IL22RA1: variants seen among roughly 807,000 people sequenced by gnomAD.
IL22RA1 encodes the protein interleukin 22 receptor subunit alpha 1, also known as interleukin-22 receptor subunit alpha-1.
IL22RA1 carries 25 observed loss-of-function variants against 32.8 expected under a neutral mutation model. The ratio of observed to expected loss-of-function variants is 0.76; its 90% confidence interval spans 0.55 to 1.06. The LOEUF (loss-of-function observed/expected upper bound fraction) is 1.06. Ranked by LOEUF, IL22RA1 falls within the 50% of genes least tolerant of loss-of-function variation. The probability of loss-of-function intolerance (pLI) is 0.00; values close to 1 mark genes in which losing one functional copy is unlikely to be tolerated. For synonymous variants in IL22RA1, 305 were observed against 305.0 expected, an observed-to-expected ratio of 1.00 and a Z score of 0.00; for missense variants, 709 against 727.4, an observed-to-expected ratio of 0.97 and a Z score of 0.29.
chr1:24,137,795 G>A (rs746355349), intron 2 of IL22RA1, among the ~76,000 whole-genome samples: 7 of 152,142 alleles, frequency 4.6e-5, no homozygotes, highest in Non-Finnish European at 7.4e-5. Flanking sequence ...GAGATTATAG[G>A]TGTGAGCCAC....
rs747958356 is a variant in IL22RA1, at chr1:24,121,338, T to A, written c.1192A>T (p.Ser398Cys). ...SSYAPQATPD[S>C]WPPSYGVCME... is the part of the protein sequence containing the mutation. ...CATACCCCATAGGAGGGAGGCCAGCTGTCCGGAGTGGCTTGAGGGGCATAG... is the reference window on the plus strand; with the variant it reads ...CATACCCCATAGGAGGGAGGCCAGCAGTCCGGAGTGGCTTGAGGGGCATAG... The change falls in exon 7 of 7, where the codon AGC becomes TGC. Residue 398 changes from serine (S) to cysteine (C), a missense_variant. By Grantham distance (112) the Ser-to-Cys change is moderately radical. Coordinates refer to ENST00000270800, the MANE Select transcript of IL22RA1 (RefSeq NM_021258.4). The A allele has an allele frequency of 1.2e-6, 2 of 1,602,418 alleles. No homozygotes were observed. Among genetic ancestry groups the A allele is most frequent in the Non-Finnish European group, 1.7e-6 (2 of 1,172,442 alleles).
chr1:24,121,767 T>C (rs2148569087), intron 6 of IL22RA1, 30 bp from the exon 7 acceptor site: 1 of 1,447,472 alleles, frequency 6.9e-7, no homozygotes, highest in Non-Finnish European at 9.2e-7. Flanking sequence ...GTCACCCCCC[T>C]GTGGTTAGGG....
chr1:24,121,853 A>C, intron 6 of IL22RA1, 116 bp from the exon 7 acceptor site: 1 of 735,430 alleles, frequency 1.4e-6, no homozygotes, highest in Non-Finnish European at 2.1e-6. Flanking sequence ...CTTTTTCAAG[A>C]TGCGTCTGTC....
intron 5 of IL22RA1, among the ~76,000 whole-genome samples, chr1:24,125,946 A>G (rs1480405611): frequency 1.3e-5 from 2 of 152,216 alleles, no homozygotes; most frequent in African/African-American, 4.8e-5. Flanking sequence ...TGTGATTTAT[A>G]TAAAAGCTAT....
At chr1:24,122,151 A>G (rs1439243939) in intron 6 of IL22RA1, among the ~76,000 whole-genome samples, 1 of 152,048 alleles carries the variant, frequency 6.6e-6, no homozygotes, top group Non-Finnish European at 1.5e-5. Flanking sequence ...AGACCGGGAG[A>G]GCTTTACAGA....
Position 24,120,890 on chromosome 1 carries a change from G to C in IL22RA1, c.1640C>G (p.Ala547Gly), listed in dbSNP as rs1427308910. 3.1e-6 allele frequency: 5 copies of C among 1,614,136 alleles called. No homozygotes were observed. Among genetic ancestry groups the C allele is most frequent in the Admixed American group, 1.7e-5 (1 of 60,010 alleles). Residue 547 changes from alanine (A) to glycine (G), a missense_variant, in exon 7 of 7, where the codon GCC becomes GGC. Coordinates refer to ENST00000270800, the MANE Select transcript of IL22RA1 (RefSeq NM_021258.4). ...VCPKDEAKSP[A>G]PETSDLEQPT... Reference sequence around the variant, plus strand: ...CTGCTCCAGGTCTGAGGTCTCAGGGGCTGGGCTCTTGGCTTCATCCTTGGG... The same window carrying C: ...CTGCTCCAGGTCTGAGGTCTCAGGGCCTGGGCTCTTGGCTTCATCCTTGGG...
chr1:24,120,978 G>C lies in IL22RA1; in HGVS notation c.1552C>G (p.Arg518Gly), dbSNP rs3795299. ...PMSLPLQPPS[R>G]PCSPSDQGPS... Reference sequence around the variant, plus strand: ...CCTTGGTCCGAGGGGGAACATGGACGGGAAGGAGGTTGCAAAGGGAGGGAC... The same window carrying C: ...CCTTGGTCCGAGGGGGAACATGGACCGGAAGGAGGTTGCAAAGGGAGGGAC... The change falls in exon 7 of 7, where the codon CGT becomes GGT. Residue 518 changes from arginine (R) to glycine (G), a missense_variant. Arg to Gly is a moderately radical substitution (Grantham distance 125). Transcript: ENST00000270800. 669,450 of 1,613,892 alleles carry C rather than the reference G, an allele frequency of 0.41. 143,196 individuals are homozygous for C. Among genetic ancestry groups the C allele is most frequent in the East Asian group, 0.72 (32,215 of 44,864 alleles).
rs542890009 is a variant in IL22RA1 at position 24,137,019 on chromosome 1, A to G, written c.355+112T>C. The G allele has an allele frequency of 1.8e-4, 181 of 1,003,672 alleles. 4 individuals carry two copies. In the South Asian group the frequency reaches 3.0e-3, roughly 17 times the overall value. The allele number at this position is 1,003,672 out of a possible 1,614,324, so 62.2% of individuals were successfully genotyped here. A position where few individuals can be genotyped will look rare whatever the true frequency, so the allele number is the denominator to read the frequency against. On this transcript the variant is annotated intron_variant, in intron 3 of 6. Transcript: ENST00000270800. The stretch of plus-strand genomic sequence containing the variant: ...TCCCCAGCTGCCCCTCCCCTTGCAG[A>G]GAGCCCCTTCTGGACCCTCCACCCA...
chr1:24,139,265 A>G (rs1274668934), intron 1 of IL22RA1, among the ~76,000 whole-genome samples: 3 of 152,224 alleles, frequency 2.0e-5, no homozygotes, highest in Non-Finnish European at 4.4e-5. Flanking sequence ...GTGTGGTAGC[A>G]TGGATTAGTA....
intron 2 of IL22RA1, 26 bp from the exon 3 acceptor site, chr1:24,137,335 A>G (rs41268135): frequency 0.01 from 16,136 of 1,606,730 alleles, 96 homozygotes; most frequent in Non-Finnish European, 0.012. Flanking sequence ...GGGCCAAGTC[A>G]CCGTGGTGAT....
In IL22RA1 at chr1:24,121,204, T is replaced by A; in HGVS notation, c.1326A>T (p.Leu442Phe). ...QKEPPAGSCM[L>F]GGLSLQEVTS... ...TCACCTCCTGCAGAGAAAGGCCACC[T>A]AACATGCAGCTTCCAGCTGGTGGCT... The change falls in exon 7 of 7, where the codon TTA becomes TTT. Residue 442 changes from leucine (L) to phenylalanine (F), a missense_variant. By Grantham distance (22) the Leu-to-Phe change is conservative. Transcript: ENST00000270800. The A allele has an allele frequency of 6.2e-7, 1 of 1,614,236 alleles. No homozygotes were observed. Among genetic ancestry groups the A allele is most frequent in the South Asian group, 1.1e-5 (1 of 91,088 alleles).
Position 24,121,064 on chromosome 1 carries a change from G to A in IL22RA1, c.1466C>T (p.Pro489Leu), listed in dbSNP as rs748119811. The A allele has an allele frequency of 6.2e-7, 1 of 1,614,150 alleles. No homozygotes were observed. Among genetic ancestry groups the A allele is most frequent in the Admixed American group, 1.7e-5 (1 of 60,022 alleles). ...NVLHSGEEGT[P>L]QYLKGQLPLL... ...GGGGAGCTGGCCCTTTAGGTACTGT[G>A]GTGTCCCTTCCTCCCCACTGTGTAG... The change falls in exon 7 of 7, where the codon CCA (proline) becomes CTA (leucine). Residue 489 changes from proline to leucine, a missense_variant. Physicochemically the swap from Pro to Leu is moderately conservative, Grantham distance 98. Transcript: ENST00000270800.
intron 6 of IL22RA1, among the ~76,000 whole-genome samples, chr1:24,122,082 G>A (rs906313481): frequency 2.0e-5 from 3 of 152,180 alleles, no homozygotes; most frequent in African/African-American, 7.2e-5. Flanking sequence ...TTGTTGCTTG[G>A]CCCACGGGTC....
Position 24,134,374 on chromosome 1 carries a change from G to A in IL22RA1, c.368C>T (p.Pro123Leu). The change falls in exon 4 of 7, where the codon CCA becomes CTA. Residue 123 changes from proline to leucine, a missense_variant. Physicochemically the swap from Pro to Leu is moderately conservative, Grantham distance 98. Coordinates refer to ENST00000270800, the MANE Select transcript of IL22RA1 (RefSeq NM_021258.4). Reference protein sequence around the residue: ...FSSLQHTTLKPPDVTCISKVR... With the variant: ...FSSLQHTTLKLPDVTCISKVR... ...TTTGGAGATACAGGTCACATCAGGT[G>A]GCTTGAGGGTAGCTGGGGATAGGGA... is the stretch of plus-strand genomic sequence containing the variant. 6.6e-7 allele frequency: 1 copy of A among 1,521,312 alleles called. No homozygotes were observed. Among genetic ancestry groups the A allele is most frequent in the African/African-American group, 1.4e-5 (1 of 70,742 alleles). 94.2% of individuals were successfully genotyped at this position (1,521,312 alleles called of 1,614,324 possible). A position where few individuals can be genotyped will look rare whatever the true frequency, so the allele number is the denominator to read the frequency against.
At position 24,123,293 on chromosome 1, in the gene IL22RA1, A is replaced by G; in HGVS notation, c.792+9T>C. Reference sequence around the variant, plus strand: ...GACCTCTCCCTCCCACCCTGGGGGGATGGCTCACCAGGGAGTTGGGAGGTG... The same window carrying G: ...GACCTCTCCCTCCCACCCTGGGGGGGTGGCTCACCAGGGAGTTGGGAGGTG... On this transcript the variant is annotated intron_variant, in intron 6 of 6. Transcript: ENST00000270800. The G allele has an allele frequency of 6.2e-7, 1 of 1,612,294 alleles. No individual in the cohort carries two copies. Among genetic ancestry groups the G allele is most frequent in the Non-Finnish European group, 8.5e-7 (1 of 1,178,904 alleles).
chr1:24,124,457 A>C (rs1017611916), intron 5 of IL22RA1, among the ~76,000 whole-genome samples: 1 of 152,158 alleles, frequency 6.6e-6, no homozygotes, highest in Non-Finnish European at 1.5e-5. Flanking sequence ...CAGGCAGGAC[A>C]CACTTCCTGT....
At chr1:24,138,546 T>A (rs1461305455) in intron 2 of IL22RA1, 36 bp downstream of exon 2, 12 of 1,611,758 alleles carry the variant, frequency 7.4e-6, no homozygotes, top group Non-Finnish European at 1.0e-5. Context: ...TGGCTTCAGA[T>A]CAGTCAAAGG....
chr1:24,142,861 C>T (rs1303225930), intron 1 of IL22RA1, among the ~76,000 whole-genome samples, 179 bp downstream of exon 1: 2 of 152,226 alleles, frequency 1.3e-5, no homozygotes, highest in African/African-American at 4.8e-5. Flanking sequence ...CCCTCTCATG[C>T]CCCCAGCAAA....
Position 24,120,972 on chromosome 1 carries a change from A to G in IL22RA1, c.1558T>C (p.Cys520Arg). 1 of 1,614,122 alleles carries G rather than the reference A, an allele frequency of 6.2e-7. No individual in the cohort carries two copies. The highest frequency in any genetic ancestry group is 1.1e-5 in the South Asian group (1 of 91,064). ...SLPLQPPSRPCSPSDQGPSPW... is the reference protein window; with the variant it reads ...SLPLQPPSRPRSPSDQGPSPW... ...CTTGGACCTTGGTCCGAGGGGGAACATGGACGGGAAGGAGGTTGCAAAGGG... is the reference window on the plus strand; with the variant it reads ...CTTGGACCTTGGTCCGAGGGGGAACGTGGACGGGAAGGAGGTTGCAAAGGG... The change falls in exon 7 of 7, where the codon TGT becomes CGT. Residue 520 changes from cysteine (C) to arginine (R), a missense_variant. By Grantham distance (180) the Cys-to-Arg change is radical (BLOSUM62 -3). Transcript: ENST00000270800.
Sources: gnomAD v4.1 joint callset for allele counts (sites outside exome capture counted in the v4.1 genomes callset) on GRCh38, gnomAD v4.1.1 for gene constraint, MANE v1.5 for transcripts, NCBI Gene and HGNC (gene_info 2026-07-23, HGNC 2026-07-21) for gene names.